SH3PXD2B: variants seen among roughly 807,000 people sequenced by gnomAD.
SH3PXD2B encodes the protein SH3 and PX domain-containing protein 2B.
SH3PXD2B carries 37 observed loss-of-function variants against 73.1 expected under a neutral mutation model. That is an observed-to-expected ratio of 0.51 (90% confidence interval 0.39 to 0.67). The LOEUF is 0.67. Among genes scored for constraint, SH3PXD2B ranks in the 30% least tolerant of loss-of-function variants. SH3PXD2B has a pLI of 0.00. For missense variants in SH3PXD2B, 1,053 were observed against 1,197.8 expected, an observed-to-expected ratio of 0.88 and a Z score of 1.78; for synonymous variants, 457 against 480.5, an observed-to-expected ratio of 0.95 and a Z score of 0.64.
intron 1 of SH3PXD2B, among the ~76,000 whole-genome samples, chr5:172,424,175 T>C (rs1759039886): frequency 1.3e-5 from 2 of 152,198 alleles, no homozygotes; most frequent in Admixed American, 1.3e-4. Context: ...AATTATGTCT[T>C]GGGCCACATC....
At chr5:172,349,726 A>G (rs1561897538) in intron 10 of SH3PXD2B, among the ~76,000 whole-genome samples, 1 of 152,228 alleles carries the variant, frequency 6.6e-6, no homozygotes, top group East Asian at 1.9e-4. Flanking sequence ...GGTAGTTATG[A>G]GGAGTCGATT....
At chr5:172,326,583 A>T (rs78492128) in intron 12 of SH3PXD2B, among the ~76,000 whole-genome samples, 1 of 152,208 alleles carries the variant, frequency 6.6e-6, no homozygotes, top group African/African-American at 2.4e-5. Context: ...CTTTGGAAAG[A>T]TGTCCATTTT....
In SH3PXD2B at chr5:172,407,021, C is replaced by T. The variant is rs34372514; in HGVS notation, c.157-669G>A. On this transcript the variant is annotated intron_variant, in intron 2 of 12. Coordinates refer to ENST00000311601, the MANE Select transcript of SH3PXD2B (RefSeq NM_001017995.3). ...AGTACCATAAACGTATCTCTGAAAGCTTCAGGGACTTCATGTGAAATATCG... is the reference window on the plus strand; with the variant it reads ...AGTACCATAAACGTATCTCTGAAAGTTTCAGGGACTTCATGTGAAATATCG... 1.6e-3 allele frequency among the ~76,000 whole-genome samples: 242 copies of T among 152,270 alleles called. 1 individual carries two copies. Among genetic ancestry groups the T allele is most frequent in the Admixed American group, 2.7e-3 (41 of 15,298 alleles).
At chr5:172,414,923 T>C (rs948223258) in intron 2 of SH3PXD2B, among the ~76,000 whole-genome samples, 2 of 152,098 alleles carry the variant, frequency 1.3e-5, no homozygotes, top group Non-Finnish European at 2.9e-5. Flanking sequence ...CCCTCCCCCA[T>C]TCGGTGGAGG....
At chr5:172,435,223 C>G (rs1376320088) in intron 1 of SH3PXD2B, among the ~76,000 whole-genome samples, 1 of 152,080 alleles carries the variant, frequency 6.6e-6, no homozygotes, top group Non-Finnish European at 1.5e-5. Flanking sequence ...TGGTTTTCCC[C>G]AGGTATAGTA....
chr5:172,352,593 G>A (rs1375437748), intron 9 of SH3PXD2B, among the ~76,000 whole-genome samples: 1 of 152,144 alleles, frequency 6.6e-6, no homozygotes, highest in Non-Finnish European at 1.5e-5. Flanking sequence ...GTATCTCCCA[G>A]AATTCCCACA....
chr5:172,381,071 T>C (rs1288655971), intron 5 of SH3PXD2B, among the ~76,000 whole-genome samples: 1 of 152,254 alleles, frequency 6.6e-6, no homozygotes, highest in Admixed American at 6.5e-5. Context: ...CAGCAGATCA[T>C]TTCCAAAAGG....
intron 5 of SH3PXD2B, among the ~76,000 whole-genome samples, chr5:172,376,461 G>A (rs548742456): frequency 2.0e-5 from 3 of 152,276 alleles, no homozygotes; most frequent in South Asian, 4.1e-4. Flanking sequence ...GGCTATTTGT[G>A]CATTTTCTTT....
intron 3 of SH3PXD2B, among the ~76,000 whole-genome samples, chr5:172,404,396 G>A (rs904934897): frequency 1.3e-5 from 2 of 151,980 alleles, no homozygotes; most frequent in Non-Finnish European, 2.9e-5. Context: ...TCCACTGCCC[G>A]GGTTCAAGCC....
rs957736716 is a variant in SH3PXD2B at position 172,338,738 on chromosome 5, C to T, written c.2367G>A (p.Arg789=). The part of the protein sequence containing the change: ...RGPQCEGHES[R]AAPTPGRALL... Reference sequence around the variant, plus strand: ...GAGCACGGCCTGGGGTGGGAGCTGCCCTGCTTTCGTGGCCTTCACACTGTG... The same window carrying T: ...GAGCACGGCCTGGGGTGGGAGCTGCTCTGCTTTCGTGGCCTTCACACTGTG... The change falls in exon 13 of 13, where the codon AGG becomes AGA. Residue 789 remains arginine, a synonymous_variant. Coordinates refer to ENST00000311601, the MANE Select transcript of SH3PXD2B (RefSeq NM_001017995.3). The surrounding 1 kb of genome is among the most constrained non-coding windows in gnomAD (Gnocchi z 5.1). 1 of 1,614,212 alleles carries T rather than the reference C, an allele frequency of 6.2e-7. No homozygotes were observed. Among genetic ancestry groups the T allele is most frequent in the Non-Finnish European group, 8.5e-7 (1 of 1,180,044 alleles).
At chr5:172,443,119 G>A (rs987931580) in intron 1 of SH3PXD2B, among the ~76,000 whole-genome samples, 1 of 152,132 alleles carries the variant, frequency 6.6e-6, no homozygotes, top group Non-Finnish European at 1.5e-5. Context: ...CTATATGTAC[G>A]TTTTTATTAA....
chr5:172,371,658 T>C (rs1757708111), intron 6 of SH3PXD2B, among the ~76,000 whole-genome samples: 2 of 151,616 alleles, frequency 1.3e-5, no homozygotes, highest in Non-Finnish European at 2.9e-5. Context: ...TTCAGGTGAA[T>C]GACGTAACAG....
intron 2 of SH3PXD2B, among the ~76,000 whole-genome samples, chr5:172,413,314 T>C (rs904390203): frequency 5.3e-5 from 8 of 152,356 alleles, no homozygotes; most frequent in Admixed American, 4.6e-4. Flanking sequence ...CGAGCTGGTC[T>C]AAATATCAAT....
rs1329264650 is a variant in SH3PXD2B, at chr5:172,338,600, G to A, written c.2505C>T (p.Asn835=). 1.9e-6 allele frequency: 3 copies of A among 1,613,990 alleles called. No individual in the cohort carries two copies. The highest frequency in any genetic ancestry group is 2.5e-6 in the Non-Finnish European group (3 of 1,179,984). Residue 835 remains asparagine, a synonymous_variant, in exon 13 of 13, where the codon AAC becomes AAT. Transcript: ENST00000311601. This position sits in a 1 kb window ranked among gnomAD's most constrained non-coding sequence, Gnocchi z 5.1. ...GPWGTGKIGE[N]REKAAAASVP... is the part of the protein sequence containing the mutation. ...CAGAGGCTGCAGCTGCTTTCTCCCT[G>A]TTTTCTCCAATCTTGCCGGTCCCCC...
At chr5:172,354,059 T>C (rs1418431013) in intron 8 of SH3PXD2B, 54 bp from the exon 9 acceptor site, 6 of 1,518,676 alleles carry the variant, frequency 4.0e-6, no homozygotes, top group Non-Finnish European at 5.5e-6. Context: ...AGGCTTGGGA[T>C]GCCGTAATCC....
chr5:172,447,461 CATAA>C (rs1246672109), intron 1 of SH3PXD2B, among the ~76,000 whole-genome samples: 1 of 152,200 alleles, frequency 6.6e-6, no homozygotes, highest in Non-Finnish European at 1.5e-5. Context: ...CTTTTATGAT[CATAA>C]ATGATACTAG....
chr5:172,444,017 T>C (rs1047936253), intron 1 of SH3PXD2B, among the ~76,000 whole-genome samples: 1 of 152,168 alleles, frequency 6.6e-6, no homozygotes, highest in Non-Finnish European at 1.5e-5. Context: ...GTAGCAGACA[T>C]GTATTGTTTT....
Position 172,347,527 on chromosome 5 carries a change from G to A in SH3PXD2B, c.1013-195C>T, listed in dbSNP as rs181243829. On this transcript the variant is annotated intron_variant, in intron 10 of 12. Coordinates refer to ENST00000311601, the MANE Select transcript of SH3PXD2B (RefSeq NM_001017995.3). ...CTCATAGTTGGCTCAGGACTCTCTCGACGTAGCTTTTCTTGCATCTTTTCT... is the reference window on the plus strand; with the variant it reads ...CTCATAGTTGGCTCAGGACTCTCTCAACGTAGCTTTTCTTGCATCTTTTCT... Among the ~76,000 whole-genome samples the A allele has an allele frequency of 4.3e-3, 657 of 152,194 alleles. 8 individuals carry two copies. Among genetic ancestry groups the A allele is most frequent in the Non-Finnish European group, 4.6e-3 (311 of 68,028 alleles).
intron 1 of SH3PXD2B, among the ~76,000 whole-genome samples, chr5:172,427,470 G>A (rs1365499769): frequency 4.6e-5 from 7 of 151,988 alleles, no homozygotes; most frequent in African/African-American, 9.7e-5. Context: ...CTCAGCCTCC[G>A]AAGTAGCTGG....
Sources: gnomAD v4.1 joint callset for allele counts (sites outside exome capture counted in the v4.1 genomes callset) on GRCh38, gnomAD v4.1.1 for gene constraint, Gnocchi (gnomAD v3.1) non-coding constraint, MANE v1.5 for transcripts, NCBI Gene and HGNC (gene_info 2026-07-23, HGNC 2026-07-21) for gene names.